The following EPS8L3 variants were observed in gnomAD, a reference collection of about 807,000 sequenced individuals.
The protein encoded by EPS8L3 is epidermal growth factor receptor kinase substrate 8-like protein 3.
In EPS8L3, 80 loss-of-function variants were observed where a neutral mutation model predicts 88.5. The observed-to-expected ratio is 0.90, with a 90% CI of 0.75 to 1.09. The LOEUF (loss-of-function observed/expected upper bound fraction) is 1.09, where lower values mean the gene tolerates loss of function less well. Among genes scored for constraint, EPS8L3 ranks in the 50% least tolerant of loss-of-function variants. The probability of loss-of-function intolerance (pLI) is 0.00; values close to 1 mark genes in which losing one functional copy is unlikely to be tolerated. For missense variants in EPS8L3, 721 were observed against 735.2 expected (o/e 0.98, Z 0.22); for synonymous variants, 286 against 291.0 (o/e 0.98, Z 0.18).
intron 10 of EPS8L3, 26 bp from the exon 11 acceptor site, chr1:109,757,581 A>G: frequency 6.3e-7 from 1 of 1,588,326 alleles, no homozygotes; most frequent in Non-Finnish European, 8.6e-7. Context: ...AATGCCTGTC[A>G]CCACCCTTCA....
chr1:109,757,489 G>A lies in EPS8L3; in HGVS notation c.961C>T (p.Leu321=). ...PELVHILFKS[L]NFILARCPEA... ...GTCGTCCCTTGACTCACGAAGTTCA[G>A]GGACTTGAAGAGGATGTGTACGAGC... is the stretch of plus-strand genomic sequence containing the variant. Residue 321 remains leucine, a synonymous_variant, in exon 11 of 19, where the codon CTG becomes TTG. Coordinates refer to ENST00000361965, the MANE Select transcript of EPS8L3 (RefSeq NM_133181.4). The A allele has an allele frequency of 1.2e-6, 2 of 1,614,062 alleles. No individual in the cohort carries two copies. The highest frequency in any genetic ancestry group is 1.7e-6 in the Non-Finnish European group (2 of 1,179,964).
chr1:109,754,568 T>C (rs1166276013), intron 12 of EPS8L3, among the ~76,000 whole-genome samples: 3 of 152,284 alleles, frequency 2.0e-5, no homozygotes, highest in Non-Finnish European at 2.9e-5. Context: ...TTATGAATAC[T>C]GAAGTTGTTT....
intron 17 of EPS8L3, 27 bp from the exon 18 acceptor site, chr1:109,750,819 C>T (rs574557061): frequency 1.6e-5 from 26 of 1,613,454 alleles, no homozygotes; most frequent in African/African-American, 1.1e-4. Flanking sequence ...AAAAGCCATC[C>T]GTGGTGGGCT....
rs949853305 is a variant in EPS8L3, at chr1:109,758,958, G to C, written c.461+104C>G. 366 of 1,249,258 alleles carry C rather than the reference G, an allele frequency of 2.9e-4. 1 individual carries two copies. The highest frequency in any genetic ancestry group is 5.7e-4 in the Admixed American group (28 of 49,244). 77.4% of individuals were successfully genotyped at this position (1,249,258 alleles called of 1,614,324 possible). On this transcript the variant is annotated intron_variant, in intron 6 of 18. Transcript: ENST00000361965. ...CTCCTCCTCAGTCCAGGCCCAGGTT[G>C]GTTGGGCCACAACCTCCTGGGTGCC...
intron 3 of EPS8L3, among the ~76,000 whole-genome samples, chr1:109,760,318 G>A (rs1357445132): frequency 6.6e-6 from 1 of 152,060 alleles, no homozygotes; most frequent in Non-Finnish European, 1.5e-5. Context: ...GATATCCATC[G>A]TGATCTCAGT....
intron 1 of EPS8L3, among the ~76,000 whole-genome samples, 166 bp from the exon 2 acceptor site, chr1:109,761,939 C>T (rs1651016152): frequency 6.6e-6 from 1 of 152,042 alleles, no homozygotes; most frequent in Admixed American, 6.5e-5. Context: ...CCAGCGTCCT[C>T]CACTGAGGAG....
chr1:109,759,183 G>GTGT lies in EPS8L3; in HGVS notation c.405+54_405+55insACA. ...TGTGTGTGTGTGTGTGTGTGTGTGT[G>GTGT]GTGGGGTGATGGTCGATGAACCCCA... On this transcript the variant is annotated intron_variant, in intron 5 of 18. Coordinates refer to ENST00000361965, the MANE Select transcript of EPS8L3 (RefSeq NM_133181.4). The surrounding 1 kb of genome is among the most constrained non-coding windows in gnomAD (Gnocchi z 4.2). 2.0e-6 allele frequency: 3 copies of GTGT among 1,488,124 alleles called. No individual in the cohort carries two copies. The highest frequency in any genetic ancestry group is 1.8e-4 in the Middle Eastern group (1 of 5,686). 92.2% of individuals were successfully genotyped at this position (1,488,124 alleles called of 1,614,324 possible). A position where few individuals can be genotyped will look rare whatever the true frequency, so the allele number is the denominator to read the frequency against.
At chr1:109,756,453 GTCTCGAAC>G (rs1650292221) in intron 12 of EPS8L3, among the ~76,000 whole-genome samples, 1 of 152,210 alleles carries the variant, frequency 6.6e-6, no homozygotes. Flanking sequence ...GGCCAGGATG[GTCTCGAAC>G]TCCTGACCTC....
At chr1:109,761,976 C>T (rs546289641) in intron 1 of EPS8L3, among the ~76,000 whole-genome samples, 1 of 152,198 alleles carries the variant, frequency 6.6e-6, no homozygotes, top group African/African-American at 2.4e-5. Context: ...GGCCTGGAGG[C>T]CCCGGGCTGA....
rs1371327619 is a variant in EPS8L3 at position 109,752,695 on chromosome 1, A to G, written c.1226T>C (p.Val409Ala). The change falls in exon 14 of 19, where the codon GTT becomes GCT. Residue 409 changes from valine to alanine, a missense_variant. Coordinates refer to ENST00000361965, the MANE Select transcript of EPS8L3 (RefSeq NM_133181.4). Reference protein sequence around the residue: ...SQAPLGYQDPVSLRRGSHRLG... With the variant: ...SQAPLGYQDPASLRRGSHRLG... ...TAAGCTCAGAGCATACCGAAGGGAA[A>G]CAGGGTCCTGGTATCCTAAGGGTGC... 2 of 1,551,962 alleles carry G rather than the reference A, an allele frequency of 1.3e-6. No individual in the cohort carries two copies. Among genetic ancestry groups the G allele is most frequent in the African/African-American group, 1.4e-5 (1 of 73,176 alleles).
chr1:109,750,662 C>T lies in EPS8L3; in HGVS notation c.1768G>A (p.Gly590Arg). 6.2e-7 allele frequency: 1 copy of T among 1,614,176 alleles called. No individual in the cohort carries two copies. The highest frequency in any genetic ancestry group is 8.5e-7 in the Non-Finnish European group (1 of 1,180,024). ...SRLEAVRRMLGISP is the reference protein window; with the variant it reads ...SRLEAVRRMLRISP ...TCAGGACCCCAGGGTGTCCTCACCCCCAGCATCCTTCTGACAGCCTCCAGC... is the reference window on the plus strand; with the variant it reads ...TCAGGACCCCAGGGTGTCCTCACCCTCAGCATCCTTCTGACAGCCTCCAGC... Residue 590 changes from glycine (G) to arginine (R), a missense_variant and splice_region_variant, in exon 18 of 19, where the codon GGG (glycine) becomes AGG (arginine). Transcript: ENST00000361965.
rs1463123817 is a variant in EPS8L3, at chr1:109,757,106, G to T, written c.1029C>A (p.Thr343=). 1.2e-6 allele frequency: 2 copies of T among 1,614,070 alleles called. No homozygotes were observed. Among genetic ancestry groups the T allele is most frequent in the Admixed American group, 3.3e-5 (2 of 60,022 alleles). The part of the protein sequence containing the change: ...LAAQVISPLL[T]PKAINLLQSC... ...ACTGTAGCAGGTTGATAGCTTTAGG[G>T]GTGAGGAGGGGTGAGATCACTTGGG... is the stretch of plus-strand genomic sequence containing the variant. The change falls in exon 12 of 19, where the codon ACC becomes ACA. Residue 343 remains threonine (T), a synonymous_variant. Coordinates refer to ENST00000361965, the MANE Select transcript of EPS8L3 (RefSeq NM_133181.4).
At chr1:109,750,631 T>G in intron 18 of EPS8L3, 29 bp downstream of exon 18, 1 of 1,613,920 alleles carries the variant, frequency 6.2e-7, no homozygotes, top group Non-Finnish European at 8.5e-7. Context: ...ACACTCCCAA[T>G]GGTTGTCAGG....
chr1:109,761,455 G>T (rs567052407), intron 3 of EPS8L3, 40 bp downstream of exon 3: 31 of 1,574,800 alleles, frequency 2.0e-5, no homozygotes, highest in Non-Finnish European at 2.6e-5. Flanking sequence ...GAACACTTGG[G>T]TTTAGTTGGA....
chr1:109,763,152 G>T (rs1651177193), intron 1 of EPS8L3, among the ~76,000 whole-genome samples: 1 of 152,200 alleles, frequency 6.6e-6, no homozygotes, highest in South Asian at 2.1e-4. Context: ...CAGTGTGGAA[G>T]GAAATAAACT....
chr1:109,757,729 T>G, intron 10 of EPS8L3, 73 bp downstream of exon 10: 1 of 1,527,298 alleles, frequency 6.5e-7, no homozygotes, highest in Non-Finnish European at 9.1e-7. Context: ...GATGGTTGAG[T>G]CCAGACAGCA....
chr1:109,759,696 C>T lies in EPS8L3; in HGVS notation c.237G>A (p.Leu79=). The part of the protein sequence containing the change: ...ILQVRDGWLQ[L]LDIETKEELD... ...GGCTGACCTTGGTCTCAATGTCCAGCAGCTGCAGCCAGCCGTCCCTGACCT... is the reference window on the plus strand; with the variant it reads ...GGCTGACCTTGGTCTCAATGTCCAGTAGCTGCAGCCAGCCGTCCCTGACCT... Residue 79 remains leucine, a synonymous_variant, in exon 4 of 19, where the codon CTG becomes CTA. Transcript: ENST00000361965. The surrounding 1 kb of genome is among the most constrained non-coding windows in gnomAD (Gnocchi z 4.2). 1 of 1,613,854 alleles carries T rather than the reference C, an allele frequency of 6.2e-7. No individual in the cohort carries two copies. Among genetic ancestry groups the T allele is most frequent in the South Asian group, 1.1e-5 (1 of 91,074 alleles).
chr1:109,754,442 C>A (rs1650096880), intron 12 of EPS8L3, among the ~76,000 whole-genome samples: 1 of 152,094 alleles, frequency 6.6e-6, no homozygotes. Context: ...TTTAGGTATT[C>A]TATTTTCTAT....
rs141365042 is a variant in EPS8L3 at position 109,756,877 on chromosome 1, G to C, written c.1118+140C>G. The C allele has an allele frequency of 4.5e-4, 475 of 1,045,168 alleles. No homozygotes were observed. In the African/African-American group the frequency reaches 7.1e-3, roughly 16 times the overall value. 64.7% of individuals were successfully genotyped at this position (1,045,168 alleles called of 1,614,324 possible). On this transcript the variant is annotated intron_variant, in intron 12 of 18. Coordinates refer to ENST00000361965, the MANE Select transcript of EPS8L3 (RefSeq NM_133181.4). ...TGGCACTTAGACAAATAAAAAGTTG[G>C]GAACTCTCTGTAGAGTCCCCCAAGT...
Sources: gnomAD v4.1 joint callset for allele counts (sites outside exome capture counted in the v4.1 genomes callset) on GRCh38, gnomAD v4.1.1 for gene constraint, Gnocchi (gnomAD v3.1) non-coding constraint, MANE v1.5 for transcripts, NCBI Gene and HGNC (gene_info 2026-07-23, HGNC 2026-07-21) for gene names.